FBXL18: variants seen among roughly 807,000 people sequenced by gnomAD.
The protein encoded by FBXL18 is F-box and leucine rich repeat protein 18.
Under a neutral mutation model 46.0 loss-of-function variants are expected in FBXL18, and 36 were observed. The observed-to-expected ratio is 0.78, with a 90% CI of 0.60 to 1.03. FBXL18 has a LOEUF of 1.03. FBXL18 is among the 50% of genes least tolerant of loss of function. The pLI is 0.00. For missense variants in FBXL18, 977 were observed against 1,004.1 expected, an observed-to-expected ratio of 0.97 and a Z score of 0.36; for synonymous variants, 557 against 465.3, an observed-to-expected ratio of 1.20 and a Z score of -2.54.
chr7:5,490,183 TG>T, intron 4 of FBXL18: 1 of 1,344,946 alleles, frequency 7.4e-7, no homozygotes, highest in Non-Finnish European at 1.0e-6. Flanking sequence ...TGTGAACAGC[TG>T]GGGCCTCCTT....
downstream of FBXL18, among the ~76,000 whole-genome samples, chr7:5,471,548 C>T (rs917672973): frequency 3.3e-5 from 5 of 151,756 alleles, no homozygotes; most frequent in South Asian, 2.1e-4. Context: ...AGTGCTGGGA[C>T]TACAGGAGCC....
chr7:5,492,063 G>A (rs569030477), intron 3 of FBXL18, among the ~76,000 whole-genome samples: 3 of 151,508 alleles, frequency 2.0e-5, no homozygotes, highest in Admixed American at 6.6e-5. Flanking sequence ...AGGAGGCCGA[G>A]GGGAGTGGGG....
chr7:5,491,159 G>A (rs1054371657), intron 4 of FBXL18, 72 bp downstream of exon 4: 97 of 1,386,586 alleles, frequency 7.0e-5, no homozygotes, highest in Non-Finnish European at 9.1e-5. Context: ...CTCGGTGAAG[G>A]CTGGGGACCA....
chr7:5,473,009 C>T (rs1783454350), downstream of FBXL18, among the ~76,000 whole-genome samples: 1 of 152,160 alleles, frequency 6.6e-6, no homozygotes, highest in South Asian at 2.1e-4. Context: ...CCCATCCTCT[C>T]TCCCCTGCTG....
intron 3 of FBXL18, among the ~76,000 whole-genome samples, chr7:5,497,116 A>T (rs556454252): frequency 1.3e-5 from 2 of 151,202 alleles, no homozygotes; most frequent in Non-Finnish European, 2.9e-5. Context: ...TGGGAGGATC[A>T]CCTGAGCCAG....
intron 4 of FBXL18, among the ~76,000 whole-genome samples, chr7:5,461,664 G>GA (rs1426016355): frequency 1.3e-5 from 2 of 152,092 alleles, no homozygotes; most frequent in Non-Finnish European, 2.9e-5. Flanking sequence ...AAATTGGCCA[G>GA]GCGCAGTGGC....
intron 4 of FBXL18, among the ~76,000 whole-genome samples, chr7:5,488,428 C>G (rs1290239631): frequency 6.6e-6 from 1 of 152,190 alleles, no homozygotes; most frequent in Non-Finnish European, 1.5e-5. Flanking sequence ...TGAGCACAGC[C>G]GTCCTGAACT....
chr7:5,458,426 G>A (rs1026674130), intron 4 of FBXL18, among the ~76,000 whole-genome samples: 19 of 152,216 alleles, frequency 1.2e-4, no homozygotes, highest in Non-Finnish European at 1.8e-4. Context: ...TTGGCCGGGC[G>A]TGGTGGCTGA....
intron 4 of FBXL18, among the ~76,000 whole-genome samples, chr7:5,457,355 G>A (rs1264756252): frequency 1.3e-5 from 2 of 152,200 alleles, no homozygotes; most frequent in Non-Finnish European, 2.9e-5. Flanking sequence ...AGCCCAGCTG[G>A]CTGGCAGCTA....
At position 5,478,587 on chromosome 7, in the gene FBXL18, T is replaced by A. The variant is rs1584196781; in HGVS notation, c.*3188A>T. On this transcript the variant is annotated 3_prime_UTR_variant, in exon 5 of 5. Coordinates refer to ENST00000382368, the MANE Select transcript of FBXL18 (RefSeq NM_024963.6). ...AGGCAGGAGGGGGCAGCCAGAGAGG[T>A]TGGGGCTCTCCCTTTTAAAGAACAA... The A allele has an allele frequency of 6.6e-6, 1 of 152,116 alleles. No individual in the cohort carries two copies. The highest frequency in any genetic ancestry group is 1.5e-5 in the Non-Finnish European group (1 of 68,080). 9.4% of individuals were successfully genotyped at this position (152,116 alleles called of 1,614,324 possible).
At chr7:5,486,018 C>T (rs1169858849) in intron 4 of FBXL18, among the ~76,000 whole-genome samples, 3 of 151,464 alleles carry the variant, frequency 2.0e-5, no homozygotes, top group Non-Finnish European at 4.4e-5. Context: ...GAGATTGTGC[C>T]ACTGCACTCC....
intron 2 of FBXL18, among the ~76,000 whole-genome samples, chr7:5,504,831 G>T (rs535059808): frequency 1.4e-5 from 2 of 139,696 alleles, no homozygotes; most frequent in Admixed American, 7.5e-5. Flanking sequence ...CAGGAGAATG[G>T]TGTGAACCCG....
At chr7:5,469,188 G>T (rs527794925) in intron 4 of FBXL18, among the ~76,000 whole-genome samples, 1 of 152,276 alleles carries the variant, frequency 6.6e-6, no homozygotes, top group East Asian at 1.9e-4. Context: ...GAAGTGGGTG[G>T]ATCACCTGAG....
At chr7:5,494,781 C>T (rs757209672) in intron 3 of FBXL18, among the ~76,000 whole-genome samples, 1 of 152,166 alleles carries the variant, frequency 6.6e-6, no homozygotes, top group African/African-American at 2.4e-5. Flanking sequence ...ACGGTGCCGT[C>T]GTGTGGTCAC....
chr7:5,489,415 A>T (rs541831671), intron 4 of FBXL18: 23 of 474,356 alleles, frequency 4.8e-5, no homozygotes, highest in African/African-American at 4.4e-4. Flanking sequence ...TAAGCGGATC[A>T]CCTGAGGTCA....
intron 4 of FBXL18, among the ~76,000 whole-genome samples, chr7:5,469,417 A>T (rs145239998): frequency 0.012 from 1,898 of 152,242 alleles, 30 homozygotes; most frequent in African/African-American, 0.037. Flanking sequence ...CTCAAAAAAA[A>T]TTTTTTTAAA....
At chr7:5,509,908 G>C (rs2966435) in intron 1 of FBXL18, among the ~76,000 whole-genome samples, 12,278 of 151,972 alleles carry the variant, frequency 0.081, 552 homozygotes, top group Admixed American at 0.1. Flanking sequence ...CTGGGCGGGC[G>C]AGTTGAGTCA....
At chr7:5,472,805 T>C (rs1584191123), downstream of FBXL18, among the ~76,000 whole-genome samples, 1 of 152,140 alleles carries the variant, frequency 6.6e-6, no homozygotes, top group Non-Finnish European at 1.5e-5. Flanking sequence ...ATACCTGCCC[T>C]GGAGAAGCCG....
intron 4 of FBXL18, among the ~76,000 whole-genome samples, chr7:5,483,862 CG>C (rs1300448261): frequency 6.6e-6 from 1 of 152,196 alleles, no homozygotes. Context: ...CAAGTCCCCC[CG>C]GCCACAGCGG....
Sources: allele counts gnomAD v4.1 joint callset (sites outside exome capture counted in the v4.1 genomes callset), GRCh38; gene constraint gnomAD v4.1.1; transcripts MANE v1.5; gene names NCBI Gene and HGNC (gene_info 2026-07-23, HGNC 2026-07-21).